Variants in SLC6A19 observed in about 807,000 individuals in gnomAD.
The protein encoded by SLC6A19 is solute carrier family 6 member 19, also known as sodium-dependent neutral amino acid transporter B(0)AT1.
SLC6A19 carries 67 observed loss-of-function variants against 68.3 expected under a neutral mutation model. The ratio of observed to expected loss-of-function variants is 0.98; its 90% CI spans 0.81 to 1.20. SLC6A19 has a LOEUF of 1.20. SLC6A19 is among the 50% of genes most tolerant of loss of function. SLC6A19 has a pLI of 0.00. For missense variants in SLC6A19, 813 were observed against 851.6 expected (o/e 0.95, Z 0.56); for synonymous variants, 392 against 374.9 (o/e 1.05, Z -0.53).
At chr5:1,202,894 C>T (rs1209450666) in intron 1 of SLC6A19, among the ~76,000 whole-genome samples, 1 of 152,160 alleles carries the variant, frequency 6.6e-6, no homozygotes, top group Non-Finnish European at 1.5e-5. Flanking sequence ...GGGGTGGGCG[C>T]TTCATGAGCC....
rs143099885 is a variant in SLC6A19, at chr5:1,213,557, T to G, written c.758T>G (p.Phe253Cys). 1 of 1,611,742 alleles carries G rather than the reference T, an allele frequency of 6.2e-7. No individual in the cohort carries two copies. Among genetic ancestry groups the G allele is most frequent in the East Asian group, 2.2e-5 (1 of 44,720 alleles). ...AAGGGCGCCACCAATGGCATCGTCTTCCTCTTCACGCCCAACGTAAGTCCC... is the reference window on the plus strand; with the variant it reads ...AAGGGCGCCACCAATGGCATCGTCTGCCTCTTCACGCCCAACGTAAGTCCC... ...TLKGATNGIVFLFTPNVTELA... is the reference protein window; with the variant it reads ...TLKGATNGIVCLFTPNVTELA... Residue 253 changes from phenylalanine to cysteine, a missense_variant, in exon 5 of 12, where the codon TTC becomes TGC. Physicochemically the swap from Phe to Cys is radical, Grantham distance 205 (BLOSUM62 -2). Coordinates refer to ENST00000304460, the MANE Select transcript of SLC6A19 (RefSeq NM_001003841.3).
intron 8 of SLC6A19, among the ~76,000 whole-genome samples, chr5:1,218,679 G>A (rs765183857): frequency 6.6e-6 from 1 of 152,244 alleles, no homozygotes; most frequent in Non-Finnish European, 1.5e-5. Context: ...GCGGAACGGG[G>A]CTCTGAGTGC....
At chr5:1,205,974 G>A (rs566529097) in intron 1 of SLC6A19, among the ~76,000 whole-genome samples, 50 of 152,292 alleles carry the variant, frequency 3.3e-4, no homozygotes, top group African/African-American at 1.0e-3. Context: ...TACACACCTG[G>A]CTCTGCTGCT....
At position 1,212,692 on chromosome 5, in the gene SLC6A19, G is replaced by A. The variant is rs1275114873; in HGVS notation, c.663+208G>A. 1.3e-5 allele frequency among the ~76,000 whole-genome samples: 2 copies of A among 152,090 alleles called. No individual in the cohort carries two copies. The highest frequency in any genetic ancestry group is 1.5e-5 in the Non-Finnish European group (1 of 68,000). ...TGCCCCAGGTTTCCTGAAATGACCA[G>A]ACTTGGGGCTCCAGGAACTTGACGT... is the stretch of plus-strand genomic sequence containing the variant. On this transcript the variant is annotated intron_variant, in intron 4 of 11. Coordinates refer to ENST00000304460, the MANE Select transcript of SLC6A19 (RefSeq NM_001003841.3). This position sits in a 1 kb window ranked among gnomAD's most constrained non-coding sequence, Gnocchi z 5.1.
Position 1,208,180 on chromosome 5 carries a change from G to C in SLC6A19, c.203-566G>C, listed in dbSNP as rs4246744. Among the ~76,000 whole-genome samples, 1,401 of 152,184 alleles carry C rather than the reference G, an allele frequency of 9.2e-3. 22 individuals are homozygous for C. The highest frequency in any genetic ancestry group is 0.032 in the African/African-American group (1,338 of 41,508). ...AGAACTCTGTCTTAAGAACCAAAAC[G>C]GTCCCCATTAAACCCTAATTCCCCA... On this transcript the variant is annotated intron_variant, in intron 1 of 11. Coordinates refer to ENST00000304460, the MANE Select transcript of SLC6A19 (RefSeq NM_001003841.3).
At position 1,219,672 on chromosome 5, in the gene SLC6A19, C is replaced by T. The variant is rs769386172; in HGVS notation, c.1538+8C>T. ...CGTGTACGGTGTGGACAGGTAGGGG[C>T]CACGGTGGGGACAGGTGCCTCTAAT... is the stretch of plus-strand genomic sequence containing the variant. On this transcript the variant is annotated splice_region_variant and intron_variant, in intron 10 of 11. Transcript: ENST00000304460. 12 of 1,603,232 alleles carry T rather than the reference C, an allele frequency of 7.5e-6. No homozygotes were observed. The highest frequency in any genetic ancestry group is 1.0e-5 in the Non-Finnish European group (12 of 1,179,948).
Position 1,214,021 on chromosome 5 carries a change from G to C in SLC6A19, c.843G>C (p.Leu281=), listed in dbSNP as rs1249489993. 1 of 1,613,688 alleles carries C rather than the reference G, an allele frequency of 6.2e-7. No individual in the cohort carries two copies. Among genetic ancestry groups the C allele is most frequent in the East Asian group, 2.2e-5 (1 of 44,896 alleles). ...AGAQVFFSFS[L]AFGGLISFSS... is the part of the protein sequence containing the mutation. ...CACAGGTCTTCTTCTCCTTCTCCCTGGCCTTCGGGGGCCTCATCTCCTTCT... is the reference window on the plus strand; with the variant it reads ...CACAGGTCTTCTTCTCCTTCTCCCTCGCCTTCGGGGGCCTCATCTCCTTCT... Residue 281 remains leucine (L), a synonymous_variant, in exon 6 of 12, where the codon CTG becomes CTC. Transcript: ENST00000304460. This position sits in a 1 kb window ranked among gnomAD's most constrained non-coding sequence, Gnocchi z 7.4.
At chr5:1,217,028 C>T in intron 8 of SLC6A19, 83 bp downstream of exon 8, 2 of 1,598,732 alleles carry the variant, frequency 1.3e-6, no homozygotes, top group Non-Finnish European at 8.5e-7. Flanking sequence ...GGCCCCTGGC[C>T]TGTGGAGGAC....
intron 5 of SLC6A19, 88 bp from the exon 6 acceptor site, chr5:1,213,865 C>A: frequency 2.5e-6 from 4 of 1,586,658 alleles, no homozygotes; most frequent in Non-Finnish European, 3.4e-6. Context: ...ATAGCCTCGA[C>A]CCTCCCCGCC....
At chr5:1,219,814 T>C (rs1457666024) in intron 10 of SLC6A19, 150 bp downstream of exon 10, 5 of 1,035,920 alleles carry the variant, frequency 4.8e-6, no homozygotes, top group Non-Finnish European at 7.1e-6. Flanking sequence ...GGTGTAGACC[T>C]GTCCTGGCGG....
chr5:1,214,849 C>T lies in SLC6A19; in HGVS notation c.887+784C>T, dbSNP rs956440330. Among the ~76,000 whole-genome samples, 3 of 13,150 alleles carry T rather than the reference C, an allele frequency of 2.3e-4. No individual in the cohort carries two copies. The highest frequency in any genetic ancestry group is 2.4e-3 in the East Asian group (1 of 424). 8.6% of individuals were successfully genotyped at this position (13,150 alleles called of 152,430 possible). On this transcript the variant is annotated intron_variant, in intron 6 of 11. Transcript: ENST00000304460. This position sits in a 1 kb window ranked among gnomAD's most constrained non-coding sequence, Gnocchi z 7.4. ...TAGGGAGGGTGGGGCCTAGACTGGA[C>T]GGGGGCCTGGGTAGGGAGGGTGGGC...
chr5:1,213,196 C>A (rs1251998403), intron 4 of SLC6A19, among the ~76,000 whole-genome samples: 1 of 101,836 alleles, frequency 9.8e-6, no homozygotes, highest in African/African-American at 3.9e-5. Flanking sequence ...ACAGGCCTGG[C>A]CCCCCATCCC....
At position 1,212,874 on chromosome 5, in the gene SLC6A19, C is replaced by T. The variant is rs1245130249; in HGVS notation, c.663+390C>T. 3.9e-5 allele frequency among the ~76,000 whole-genome samples: 6 copies of T among 152,048 alleles called. No homozygotes were observed. In the East Asian group the frequency reaches 5.8e-4, roughly 15 times the overall value. Reference sequence around the variant, plus strand: ...TTCCCCTACATGGGAATCTTTGGTACGAGGTCCAGAGCGGCCATCCCTTTC... The same window carrying T: ...TTCCCCTACATGGGAATCTTTGGTATGAGGTCCAGAGCGGCCATCCCTTTC... On this transcript the variant is annotated intron_variant, in intron 4 of 11. Transcript: ENST00000304460. The surrounding 1 kb of genome is among the most constrained non-coding windows in gnomAD (Gnocchi z 5.1).
At chr5:1,201,998 GGGGCCCCCAC>G in intron 1 of SLC6A19, 146 bp downstream of exon 1, 2 of 1,182,048 alleles carry the variant, frequency 1.7e-6, no homozygotes, top group Non-Finnish European at 2.3e-6. Flanking sequence ...GGGGGGAGCT[GGGGCCCCCAC>G]GGGCCCCCGT....
rs893644504 is a variant in SLC6A19 at position 1,212,687 on chromosome 5, G to C, written c.663+203G>C. ...CTGCCTGCCCCAGGTTTCCTGAAAT[G>C]ACCAGACTTGGGGCTCCAGGAACTT... is the stretch of plus-strand genomic sequence containing the variant. On this transcript the variant is annotated intron_variant, in intron 4 of 11. Coordinates refer to ENST00000304460, the MANE Select transcript of SLC6A19 (RefSeq NM_001003841.3). This position sits in a 1 kb window ranked among gnomAD's most constrained non-coding sequence, Gnocchi z 5.1. 7.9e-5 allele frequency among the ~76,000 whole-genome samples: 12 copies of C among 151,992 alleles called. No homozygotes were observed. Among genetic ancestry groups the C allele is most frequent in the African/African-American group, 2.9e-4 (12 of 41,362 alleles).
chr5:1,210,596 G>A lies in SLC6A19; in HGVS notation c.481+15G>A, dbSNP rs923047512. 1 of 1,611,798 alleles carries A rather than the reference G, an allele frequency of 6.2e-7. No homozygotes were observed. The highest frequency in any genetic ancestry group is 1.7e-5 in the Admixed American group (1 of 60,022). ...GAACCAGACAGGTGAGTCCTTGCAA[G>A]CAGCCCCATCCGTCTCACCTGTGAG... On this transcript the variant is annotated intron_variant, in intron 3 of 11. Coordinates refer to ENST00000304460, the MANE Select transcript of SLC6A19 (RefSeq NM_001003841.3).
rs557785841 is a variant in SLC6A19, at chr5:1,208,979, G to A, written c.343+93G>A. On this transcript the variant is annotated intron_variant, in intron 2 of 11. Transcript: ENST00000304460. The stretch of plus-strand genomic sequence containing the variant: ...GCCCAGGGTTCGCCTTGCCGGCCTC[G>A]GTGCCCCTGCTCTGCCTTCCCTGTC... 4.1e-5 allele frequency: 61 copies of A among 1,471,772 alleles called. No homozygotes were observed. The African/African-American group carries it at 6.3e-4, about 15-fold the overall frequency. 91.2% of individuals were successfully genotyped at this position (1,471,772 alleles called of 1,614,324 possible). A position where few individuals can be genotyped will look rare whatever the true frequency, so the allele number is the denominator to read the frequency against.
At position 1,221,371 on chromosome 5, in the gene SLC6A19, A is replaced by G. The variant is rs528718990; in HGVS notation, c.1701+58A>G. On this transcript the variant is annotated intron_variant, in intron 11 of 11. Transcript: ENST00000304460. ...GAGGAATGGGGAAGGGGAAAGGAGG[A>G]CACTCATCCACACACATGGCGCATG... The G allele has an allele frequency of 8.7e-4, 1,383 of 1,587,646 alleles. 28 individuals are homozygous for G. In the South Asian group the frequency reaches 0.014, roughly 17 times the overall value.
Position 1,216,577 on chromosome 5 carries a change from T to C in SLC6A19, c.907T>C (p.Ser303Pro). 1 of 1,614,152 alleles carries C rather than the reference T, an allele frequency of 6.2e-7. No individual in the cohort carries two copies. Among genetic ancestry groups the C allele is most frequent in the Non-Finnish European group, 8.5e-7 (1 of 1,180,030 alleles). The change falls in exon 7 of 12, where the codon TCG becomes CCG. Residue 303 changes from serine (S) to proline (P), a missense_variant. Coordinates refer to ENST00000304460, the MANE Select transcript of SLC6A19 (RefSeq NM_001003841.3). The stretch of plus-strand genomic sequence containing the variant: ...CTGCAGCAACAACTGCGAGAAGGAC[T>C]CGGTGATTGTGTCCATCATCAACGG... ...NSVHNNCEKD[S>P]VIVSIINGFT...
Sources: allele counts gnomAD v4.1 joint callset (sites outside exome capture counted in the v4.1 genomes callset), GRCh38; gene constraint gnomAD v4.1.1; non-coding constraint Gnocchi (gnomAD v3.1); transcripts MANE v1.5; gene names NCBI Gene and HGNC (gene_info 2026-07-23, HGNC 2026-07-21).